The following FBXO28 variants were observed in gnomAD, a reference collection of about 807,000 sequenced individuals.
FBXO28 encodes the protein F-box protein 28.
In FBXO28, 8 loss-of-function variants were observed where a neutral mutation model predicts 38.1. The observed-to-expected ratio is 0.21, with a 90% CI of 0.12 to 0.38. The LOEUF (loss-of-function observed/expected upper bound fraction) is 0.38, where lower values mean the gene tolerates loss of function less well. FBXO28 is among the 10% of genes least tolerant of loss of function. FBXO28 has a pLI of 1.00. For synonymous variants in FBXO28, 168 were observed against 173.8 expected (o/e 0.97, Z 0.26); for missense variants, 345 against 460.6 (o/e 0.75, Z 2.30).
At chr1:224,147,780 C>T in intron 3 of FBXO28, among the ~76,000 whole-genome samples, 1 of 144,572 alleles carries the variant, frequency 6.9e-6, no homozygotes, top group South Asian at 2.2e-4. Context: ...GGTCTTTCCA[C>T]TAGACCTCAA....
chr1:224,157,985 T>G lies in FBXO28; in HGVS notation c.*239T>G, dbSNP rs1370152588. ...TAACCAGACCTGTTCTATCATGTTT[T>G]GAGGAGTTAACTTTTTTCTGTGCAG... On this transcript the variant is annotated 3_prime_UTR_variant, in exon 5 of 5. Transcript: ENST00000366862. 1 of 1,272,996 alleles carries G rather than the reference T, an allele frequency of 7.9e-7. No individual in the cohort carries two copies. The highest frequency in any genetic ancestry group is 1.5e-5 in the African/African-American group (1 of 65,598). 78.9% of individuals were successfully genotyped at this position (1,272,996 alleles called of 1,614,324 possible).
Position 224,114,266 on chromosome 1 carries a change from A to G in FBXO28, c.137A>G (p.Gln46Arg), listed in dbSNP as rs1656588324. ...CCACAGCACCCGCAGCCGGGGTCCC[A>G]GGCGCTCCCAGCCCCCGCGCTGGCT... ...PAPQHPQPGS[Q>R]ALPAPALAPD... is the part of the protein sequence containing the mutation. The change falls in exon 1 of 5, where the codon CAG (glutamine) becomes CGG (arginine). Residue 46 changes from glutamine (Q) to arginine (R), a missense_variant. By Grantham distance (43) the Gln-to-Arg change is conservative (BLOSUM62 1). Coordinates refer to ENST00000366862, the MANE Select transcript of FBXO28 (RefSeq NM_015176.4). 6.4e-7 allele frequency: 1 copy of G among 1,555,816 alleles called. No homozygotes were observed. Among genetic ancestry groups the G allele is most frequent in the South Asian group, 1.2e-5 (1 of 84,514 alleles).
rs767715002 is a variant in FBXO28, at chr1:224,114,249, C to T, written c.120C>T (p.His40=). The T allele has an allele frequency of 1.3e-6, 2 of 1,553,760 alleles. No individual in the cohort carries two copies. Among genetic ancestry groups the T allele is most frequent in the Non-Finnish European group, 8.7e-7 (1 of 1,148,908 alleles). Residue 40 remains histidine, a synonymous_variant, in exon 1 of 5, where the codon CAC becomes CAT. Transcript: ENST00000366862. ...AGCCTCCACCGCCCGCGCCACAGCACCCGCAGCCGGGGTCCCAGGCGCTCC... is the reference window on the plus strand; with the variant it reads ...AGCCTCCACCGCCCGCGCCACAGCATCCGCAGCCGGGGTCCCAGGCGCTCC... ...QRQPPPPAPQ[H]PQPGSQALPA...
At chr1:224,134,457 C>G (rs1657129042) in intron 3 of FBXO28, 1 of 297,948 alleles carries the variant, frequency 3.4e-6, no homozygotes, top group Non-Finnish European at 6.2e-6. Flanking sequence ...AGAGTTCATA[C>G]TCAAGAATAA....
intron 3 of FBXO28, among the ~76,000 whole-genome samples, chr1:224,137,564 A>G (rs1657226236): frequency 6.6e-6 from 1 of 151,806 alleles, no homozygotes; most frequent in Non-Finnish European, 1.5e-5. Flanking sequence ...AGAAATCCAC[A>G]AGAATGGTGA....
chr1:224,142,543 CAG>C (rs1657384497), intron 3 of FBXO28, among the ~76,000 whole-genome samples: 1 of 150,482 alleles, frequency 6.6e-6, no homozygotes. Context: ...AGGCTGGGCT[CAG>C]TGGCTCACGC....
intron 1 of FBXO28, among the ~76,000 whole-genome samples, chr1:224,121,061 A>C (rs1656760572): frequency 6.6e-6 from 1 of 152,072 alleles, no homozygotes; most frequent in African/African-American, 2.4e-5. Flanking sequence ...TTTTAAGAAA[A>C]TGAGTGACTA....
chr1:224,155,880 C>G (rs1657763172), intron 4 of FBXO28, among the ~76,000 whole-genome samples: 1 of 152,126 alleles, frequency 6.6e-6, no homozygotes, highest in Non-Finnish European at 1.5e-5. Context: ...AAGATATACC[C>G]AGACTTGAAG....
chr1:224,125,814 A>G (rs114484770), intron 1 of FBXO28, among the ~76,000 whole-genome samples: 1,525 of 151,776 alleles, frequency 0.01, 33 homozygotes, highest in African/African-American at 0.035. Context: ...GCTAATTTTT[A>G]TTTGGGGGTT....
chr1:224,114,335 T>A lies in FBXO28; in HGVS notation c.206T>A (p.Ile69Asn). 6.3e-7 allele frequency: 1 copy of A among 1,592,766 alleles called. No individual in the cohort carries two copies. Among genetic ancestry groups the A allele is most frequent in the Non-Finnish European group, 8.5e-7 (1 of 1,169,614 alleles). ...AACAACACGCTTGTGGCGCTGCCCA[T>A]CGTAGCCATCGAGAACATCCTCAGC... ...PQNNTLVALP[I>N]VAIENILSFM... Residue 69 changes from isoleucine (I) to asparagine (N), a missense_variant, in exon 1 of 5, where the codon ATC becomes AAC. By Grantham distance (149) the Ile-to-Asn change is moderately radical. This residue lies in a region of FBXO28 where 56 missense variants were observed against 99.8 expected (regional missense o/e 0.56). Transcript: ENST00000366862.
intron 3 of FBXO28, among the ~76,000 whole-genome samples, chr1:224,138,099 G>A: frequency 6.6e-6 from 1 of 151,524 alleles, no homozygotes; most frequent in East Asian, 1.9e-4. Flanking sequence ...GTGGTGGCAG[G>A]CACCTATAGT....
chr1:224,150,932 G>A (rs1657627492), intron 3 of FBXO28, among the ~76,000 whole-genome samples: 1 of 152,130 alleles, frequency 6.6e-6, no homozygotes, highest in Admixed American at 6.6e-5. Context: ...TTTGAAAAGT[G>A]ACAAGTACAT....
In FBXO28 at chr1:224,138,894, G is replaced by A. The variant is rs143077721; in HGVS notation, c.516+4682G>A. Among the ~76,000 whole-genome samples the A allele has an allele frequency of 7.2e-5, 11 of 151,864 alleles. 1 individual carries two copies. The East Asian group carries it at 2.1e-3, about 29-fold the overall frequency. ...CCTCCTGGGTTCAAGCGATTCTCCT[G>A]CCTCAGCCTCCTGAGTAGCTGGGAC... On this transcript the variant is annotated intron_variant, in intron 3 of 4. Coordinates refer to ENST00000366862, the MANE Select transcript of FBXO28 (RefSeq NM_015176.4).
intron 3 of FBXO28, among the ~76,000 whole-genome samples, chr1:224,142,370 G>A (rs905519230): frequency 2.6e-5 from 4 of 152,034 alleles, no homozygotes; most frequent in Non-Finnish European, 5.9e-5. Context: ...AAAATGGGGG[G>A]ACAGGCATGG....
intron 1 of FBXO28, among the ~76,000 whole-genome samples, chr1:224,115,418 T>C (rs913629026): frequency 6.6e-6 from 1 of 152,238 alleles, no homozygotes; most frequent in Admixed American, 6.5e-5. Context: ...GAATGTGCTG[T>C]GTATAACATC....
intron 4 of FBXO28, among the ~76,000 whole-genome samples, chr1:224,154,858 G>A (rs1657736785): frequency 6.7e-6 from 1 of 148,344 alleles, no homozygotes; most frequent in Non-Finnish European, 1.5e-5. Flanking sequence ...CATGTCTGTA[G>A]TCCCAGCTAC....
intron 1 of FBXO28, among the ~76,000 whole-genome samples, chr1:224,119,138 T>TTTC (rs1553287740): frequency 6.4e-5 from 8 of 124,110 alleles, no homozygotes; most frequent in East Asian, 2.1e-4. Flanking sequence ...TTTTTTTCTT[T>TTTC]TTTTTTTTTT....
intron 1 of FBXO28, among the ~76,000 whole-genome samples, chr1:224,124,066 C>T (rs1198911740): frequency 6.6e-6 from 1 of 152,084 alleles, no homozygotes; most frequent in Admixed American, 6.6e-5. Context: ...GTGGAGATTG[C>T]ACCACTGCAT....
At position 224,157,684 on chromosome 1, in the gene FBXO28, A is replaced by G; in HGVS notation, c.1045A>G (p.Lys349Glu). The G allele has an allele frequency of 1.2e-6, 2 of 1,613,898 alleles. No individual in the cohort carries two copies. Among genetic ancestry groups the G allele is most frequent in the Non-Finnish European group, 1.7e-6 (2 of 1,179,978 alleles). ...GAATGAGGAGTCTCCTCGGAAACGA[A>G]AAAAGGCCACGGAAGCCATAGACTC... ...GQNEESPRKR[K>E]KATEAIDSLR... Residue 349 changes from lysine (K) to glutamate (E), a missense_variant, in exon 5 of 5, where the codon AAA (lysine) becomes GAA (glutamate). Lys to Glu is a moderately conservative substitution (Grantham distance 56, BLOSUM62 1). This residue lies in a region of FBXO28 where 151 missense variants were observed against 188.3 expected (regional missense o/e 0.80). Coordinates refer to ENST00000366862, the MANE Select transcript of FBXO28 (RefSeq NM_015176.4).
Sources: gnomAD v4.1 joint callset for allele counts (sites outside exome capture counted in the v4.1 genomes callset) on GRCh38, gnomAD v4.1.1 for gene constraint, gnomAD v4.1.1 regional missense constraint, MANE v1.5 for transcripts, NCBI Gene and HGNC (gene_info 2026-07-23, HGNC 2026-07-21) for gene names.